Variants in POFUT3 observed in about 807,000 individuals in gnomAD.
POFUT3 encodes protein O-fucosyltransferase 3.
At chr8:33,392,795 C>A in the POFUT3 span, among the ~76,000 whole-genome samples, 394 of 151,916 alleles carry the variant, frequency 2.6e-3, 1 homozygote, top group African/African-American at 9.1e-3. Context: ...ACCAGCCTGG[C>A]CAACATGGTG....
the POFUT3 span, among the ~76,000 whole-genome samples, chr8:33,335,532 T>A: frequency 6.6e-6 from 1 of 152,142 alleles, no homozygotes; most frequent in Non-Finnish European, 1.5e-5. Context: ...GACATAAACA[T>A]AACTTTTCTT....
chr8:33,398,207 T>C, the POFUT3 span, among the ~76,000 whole-genome samples: 5 of 152,092 alleles, frequency 3.3e-5, no homozygotes, highest in African/African-American at 7.2e-5. Context: ...CCAATTATTA[T>C]TTTTTTGTTT....
chr8:33,422,267 G>A, the POFUT3 span, among the ~76,000 whole-genome samples: 1 of 151,042 alleles, frequency 6.6e-6, no homozygotes, highest in Non-Finnish European at 1.5e-5. Context: ...TCCAGGCCTG[G>A]CGCGGTGGTT....
chr8:33,382,405 A>G, the POFUT3 span, among the ~76,000 whole-genome samples: 1 of 146,722 alleles, frequency 6.8e-6, no homozygotes, highest in South Asian at 2.2e-4. Flanking sequence ...TTTTTTTTTT[A>G]TGGCATAGAT....
the POFUT3 span, among the ~76,000 whole-genome samples, chr8:33,456,521 C>T: frequency 2.6e-5 from 4 of 151,384 alleles, no homozygotes; most frequent in African/African-American, 7.3e-5. Context: ...CCACGCCCTG[C>T]TAATTTTTTT....
chr8:33,326,950 AAT>A, the POFUT3 span, among the ~76,000 whole-genome samples: 3 of 152,112 alleles, frequency 2.0e-5, no homozygotes, highest in African/African-American at 7.2e-5. Flanking sequence ...AATTTTATAA[AAT>A]GTTTTGTAGA....
At chr8:33,371,617 T>C in the POFUT3 span, 2 of 152,200 alleles carry the variant, frequency 1.3e-5, no homozygotes. Context: ...TTCCTCCTTG[T>C]CTTCTGAGGT....
chr8:33,353,252 G>T, the POFUT3 span, among the ~76,000 whole-genome samples: 1 of 152,182 alleles, frequency 6.6e-6, no homozygotes, highest in Non-Finnish European at 1.5e-5. Context: ...AGCAGACAGG[G>T]ATCCCTTCCC....
the POFUT3 span, among the ~76,000 whole-genome samples, chr8:33,421,185 C>T: frequency 6.6e-6 from 1 of 151,838 alleles, no homozygotes. Context: ...AATATATTTT[C>T]CCTTTATCTA....
At chr8:33,432,103 T>C in the POFUT3 span, among the ~76,000 whole-genome samples, 3 of 152,138 alleles carry the variant, frequency 2.0e-5, no homozygotes, top group African/African-American at 4.8e-5. Context: ...AGTGAGACCC[T>C]GTCTCTATTT....
chr8:33,386,953 T>TGGTCTTGAAAC, the POFUT3 span, among the ~76,000 whole-genome samples: 2 of 152,350 alleles, frequency 1.3e-5, no homozygotes, highest in South Asian at 4.1e-4. Context: ...AGCCTTGAAA[T>TGGTCTTGAAAC]GGTCTTGAAA....
At chr8:33,408,557 G>A in the POFUT3 span, among the ~76,000 whole-genome samples, 1 of 152,120 alleles carries the variant, frequency 6.6e-6, no homozygotes, top group African/African-American at 2.4e-5. Context: ...GGCACAAGAA[G>A]CATGCAATGA....
At chr8:33,336,274 C>G in the POFUT3 span, among the ~76,000 whole-genome samples, 1 of 152,172 alleles carries the variant, frequency 6.6e-6, no homozygotes, top group African/African-American at 2.4e-5. Context: ...TGTGAAATCA[C>G]TGAAAGTGGA....
At chr8:33,428,723 T>A in the POFUT3 span, among the ~76,000 whole-genome samples, 1 of 152,050 alleles carries the variant, frequency 6.6e-6, no homozygotes, top group Non-Finnish European at 1.5e-5. Context: ...TCTGAATGGA[T>A]TAATGCCAAT....
chr8:33,329,583 C>G, the POFUT3 span, among the ~76,000 whole-genome samples: 1 of 152,258 alleles, frequency 6.6e-6, no homozygotes, highest in South Asian at 2.1e-4. Flanking sequence ...TTTCCCCATT[C>G]GTGACATAAT....
chr8:33,446,636 G>A, the POFUT3 span, among the ~76,000 whole-genome samples: 1 of 152,026 alleles, frequency 6.6e-6, no homozygotes, highest in African/African-American at 2.4e-5. Context: ...AGCTCACTAA[G>A]CAACCTCATG....
chr8:33,379,842 A>C, the POFUT3 span, among the ~76,000 whole-genome samples: 29 of 35,666 alleles, frequency 8.1e-4, no homozygotes, highest in Middle Eastern at 0.028. Context: ...TCTAAAAAAA[A>C]AAAAATATAT....
At chr8:33,320,475 T>G in the POFUT3 span, among the ~76,000 whole-genome samples, 1 of 152,092 alleles carries the variant, frequency 6.6e-6, no homozygotes, top group African/African-American at 2.4e-5. Flanking sequence ...AAACACTATT[T>G]GCAATGGTTT....
the POFUT3 span, chr8:33,389,417 G>A: frequency 1.2e-6 from 2 of 1,614,206 alleles, no homozygotes; most frequent in Non-Finnish European, 1.7e-6. Flanking sequence ...CAGCTGCTGA[G>A]GGAGGTCTTT....
Sources: allele counts gnomAD v4.1 joint callset (sites outside exome capture counted in the v4.1 genomes callset), GRCh38; gene constraint gnomAD v4.1.1; transcripts MANE v1.5; gene names NCBI Gene and HGNC (gene_info 2026-07-23, HGNC 2026-07-21).